Variants in SUGCT observed in about 807,000 individuals in gnomAD.
SUGCT encodes the protein succinyl-CoA:glutarate-CoA transferase, also known as succinyl-CoA:glutarate CoA-transferase.
SUGCT carries 41 observed loss-of-function variants against 55.0 expected under a neutral mutation model. The observed-to-expected ratio is 0.74, with a 90% CI of 0.58 to 0.97. The LOEUF is 0.97. SUGCT is among the 50% of genes least tolerant of loss of function. SUGCT has a pLI of 0.00. For synonymous variants in SUGCT, 187 were observed against 200.4 expected, an observed-to-expected ratio of 0.93 and a Z score of 0.56; for missense variants, 568 against 547.8, an observed-to-expected ratio of 1.04 and a Z score of -0.37.
Position 40,565,717 on chromosome 7 carries a change from C to T in SUGCT, c.1089+69331C>T, listed in dbSNP as rs137908607. Among the ~76,000 whole-genome samples, 460 of 152,150 alleles carry T rather than the reference C, an allele frequency of 3.0e-3. 7 individuals are homozygous for T. Among genetic ancestry groups the T allele is most frequent in the East Asian group, 0.03 (155 of 5,156 alleles). On this transcript the variant is annotated intron_variant, in intron 12 of 13. Transcript: ENST00000335693. ...CTATTATCTTATTTTCTATCTCTAT[C>T]CAACCTTCTCCTTCTACTTCAGCCT... is the stretch of plus-strand genomic sequence containing the variant.
At chr7:40,868,131 G>C in the SUGCT span, among the ~76,000 whole-genome samples, 5 of 152,170 alleles carry the variant, frequency 3.3e-5, no homozygotes, top group South Asian at 1.0e-3. Flanking sequence ...CCTCCTTCTT[G>C]CAAGAGATGC....
the SUGCT span, among the ~76,000 whole-genome samples, chr7:40,954,016 C>T: frequency 3.9e-5 from 6 of 152,222 alleles, no homozygotes; most frequent in Non-Finnish European, 7.3e-5. Context: ...GAGGTTTCTG[C>T]TGCCTTTTGT....
chr7:40,169,349 C>T (rs1205637242), intron 1 of SUGCT, among the ~76,000 whole-genome samples: 6 of 152,020 alleles, frequency 3.9e-5, no homozygotes, highest in Middle Eastern at 3.2e-3. Flanking sequence ...GACAGTTGTC[C>T]GGGACAGGAG....
rs564294415 is a variant in SUGCT at position 40,491,055 on chromosome 7, TATTCTTTCCAAATC to T, written c.987-5226_987-5213del. On this transcript the variant is annotated intron_variant, in intron 11 of 13. Coordinates refer to ENST00000335693, the MANE Select transcript of SUGCT (RefSeq NM_001193313.2). ...CAAACTAATGTCACTGAGAGACTCT[TATTCTTTCCAAATC>T]ATCATATATTCACTCATTCAGCAAA... Among the ~76,000 whole-genome samples, 37 of 152,324 alleles carry T rather than the reference TATTCTTTCCAAATC, an allele frequency of 2.4e-4. 1 individual carries two copies. The highest frequency in any genetic ancestry group is 2.3e-3 in the Admixed American group (35 of 15,304).
At chr7:40,694,157 C>T (rs6462987) in intron 12 of SUGCT, among the ~76,000 whole-genome samples, 45,465 of 152,006 alleles carry the variant, frequency 0.3, 6,949 homozygotes, top group Middle Eastern at 0.38. Flanking sequence ...TTTCGTTTTC[C>T]GTTTTGAAAG....
intron 7 of SUGCT, among the ~76,000 whole-genome samples, chr7:40,243,087 A>T (rs190076165): frequency 3.7e-4 from 55 of 149,704 alleles, no homozygotes; most frequent in African/African-American, 1.3e-3. Flanking sequence ...AGGCACATGC[A>T]ACCATGCCTG....
intron 9 of SUGCT, among the ~76,000 whole-genome samples, chr7:40,324,261 A>ATATATATATATATATTTATTTATT (rs377215730): frequency 0.016 from 1,580 of 99,618 alleles, 50 homozygotes; most frequent in Non-Finnish European, 0.024. Context: ...AAATATATAT[A>ATATATATATATATATTTATTTATT]TATTTATTTT....
At position 40,192,638 on chromosome 7, in the gene SUGCT, T is replaced by C. The variant is rs540204213; in HGVS notation, c.364-2302T>C. Reference sequence around the variant, plus strand: ...GTTTATTTTCTTTCTTTCTTTTTTTTTTTTTTTTTTGAGGTGGAGTTTTGC... The same window carrying C: ...GTTTATTTTCTTTCTTTCTTTTTTTCTTTTTTTTTTGAGGTGGAGTTTTGC... On this transcript the variant is annotated intron_variant, in intron 5 of 13. Coordinates refer to ENST00000335693, the MANE Select transcript of SUGCT (RefSeq NM_001193313.2). 2.3e-4 allele frequency among the ~76,000 whole-genome samples: 34 copies of C among 150,646 alleles called. 1 individual carries two copies. In the East Asian group the frequency reaches 5.6e-3, roughly 25 times the overall value.
intron 11 of SUGCT, among the ~76,000 whole-genome samples, chr7:40,476,037 T>C (rs1790655725): frequency 6.6e-6 from 1 of 152,118 alleles, no homozygotes; most frequent in Non-Finnish European, 1.5e-5. Flanking sequence ...TCGTACTGTC[T>C]CAGTTCTAAT....
chr7:40,622,552 C>CA (rs1491129762), intron 12 of SUGCT, among the ~76,000 whole-genome samples: 1 of 37,160 alleles, frequency 2.7e-5, no homozygotes, highest in South Asian at 8.5e-4. Flanking sequence ...TTTTTTTTTT[C>CA]ATCTTCTGAA....
At position 40,692,745 on chromosome 7, in the gene SUGCT, A is replaced by G. The variant is rs942194245; in HGVS notation, c.1090-56689A>G. Among the ~76,000 whole-genome samples, 6 of 152,176 alleles carry G rather than the reference A, an allele frequency of 3.9e-5. No homozygotes were observed. The East Asian group carries it at 9.6e-4, about 24-fold the overall frequency. Reference sequence around the variant, plus strand: ...GCACCAATTCTAAATTTCATTTAAAAACTCAGCAAGAACCTGCTAGGCCTG... The same window carrying G: ...GCACCAATTCTAAATTTCATTTAAAGACTCAGCAAGAACCTGCTAGGCCTG... On this transcript the variant is annotated intron_variant, in intron 12 of 13. Coordinates refer to ENST00000335693, the MANE Select transcript of SUGCT (RefSeq NM_001193313.2).
intron 12 of SUGCT, 119 bp from the exon 13 acceptor site, chr7:40,749,315 A>C (rs1787889296): frequency 2.5e-6 from 2 of 786,918 alleles, no homozygotes; most frequent in Admixed American, 2.0e-5. Context: ...AATGTTAAAC[A>C]CTTCTGTGTT....
At chr7:40,487,250 GTTTTTTTT>G (rs1167865633) in intron 11 of SUGCT, among the ~76,000 whole-genome samples, 3 of 42,906 alleles carry the variant, frequency 7.0e-5, no homozygotes, top group African/African-American at 1.9e-4. Flanking sequence ...ACACCCAGCT[GTTTTTTTT>G]TTTTTTTTTT....
At chr7:40,846,063 C>T (rs1425017243) in intron 13 of SUGCT, among the ~76,000 whole-genome samples, 1 of 152,032 alleles carries the variant, frequency 6.6e-6, no homozygotes, top group Non-Finnish European at 1.5e-5. Flanking sequence ...TGGAAATTTC[C>T]GGTTTTTTCC....
chr7:40,440,726 T>A (rs1231520567), intron 9 of SUGCT, among the ~76,000 whole-genome samples: 1 of 152,078 alleles, frequency 6.6e-6, no homozygotes, highest in African/African-American at 2.4e-5. Context: ...CAAGACAACA[T>A]TATGTCCACC....
intron 6 of SUGCT, among the ~76,000 whole-genome samples, chr7:40,229,201 G>A (rs1020848469): frequency 9.9e-5 from 15 of 152,080 alleles, no homozygotes; most frequent in African/African-American, 3.6e-4. Context: ...CCTTTTTAGT[G>A]GATGGATAAG....
the SUGCT span, among the ~76,000 whole-genome samples, chr7:41,024,010 A>G: frequency 6.6e-6 from 1 of 152,222 alleles, no homozygotes; most frequent in Non-Finnish European, 1.5e-5. Flanking sequence ...TGAAAATGGC[A>G]TAATAGTGCA....
chr7:40,401,033 C>G (rs1053953648), intron 9 of SUGCT, among the ~76,000 whole-genome samples: 2 of 152,142 alleles, frequency 1.3e-5, no homozygotes, highest in African/African-American at 2.4e-5. Context: ...CTTCATGTTA[C>G]TCTTTAGCTG....
At chr7:40,447,409 A>G (rs548640926) in intron 9 of SUGCT, among the ~76,000 whole-genome samples, 15 of 152,158 alleles carry the variant, frequency 9.9e-5, no homozygotes, top group Non-Finnish European at 1.8e-4. Context: ...GAGCCTGAAG[A>G]TAAGAGACTT....
Sources: allele counts gnomAD v4.1 joint callset (sites outside exome capture counted in the v4.1 genomes callset), GRCh38; gene constraint gnomAD v4.1.1; transcripts MANE v1.5; gene names NCBI Gene and HGNC (gene_info 2026-07-23, HGNC 2026-07-21).